GALNT9: variants seen among roughly 807,000 people sequenced by gnomAD.
GALNT9 encodes the protein polypeptide N-acetylgalactosaminyltransferase 9, also known as GalNAc transferase 9.
In GALNT9, 47 loss-of-function variants were observed where a neutral mutation model predicts 63.1. The ratio of observed to expected loss-of-function variants is 0.75; its 90% CI spans 0.59 to 0.95. The LOEUF (loss-of-function observed/expected upper bound fraction) is 0.95, where lower values mean the gene tolerates loss of function less well. GALNT9 is among the 40% of genes least tolerant of loss of function. GALNT9 has a pLI of 0.00. For synonymous variants in GALNT9, 396 were observed against 365.7 expected, an observed-to-expected ratio of 1.08 and a Z score of -0.94; for missense variants, 829 against 874.8, an observed-to-expected ratio of 0.95 and a Z score of 0.66.
Position 132,329,330 on chromosome 12 carries a change from G to T in GALNT9, c.-127C>A. On this transcript the variant is annotated 5_prime_UTR_variant, in exon 1 of 11. Transcript: ENST00000328957. ...CTGCGGGGGCTGCGGGGCTCGGCCG[G>T]AGCTGTCCCTTCAGCACCAGCTCAG... 3 of 1,372,014 alleles carry T rather than the reference G, an allele frequency of 2.2e-6. No individual in the cohort carries two copies. The highest frequency in any genetic ancestry group is 2.9e-6 in the Non-Finnish European group (3 of 1,045,854). The allele number at this position is 1,372,014 out of a possible 1,614,324, so 85.0% of individuals were successfully genotyped here.
At position 132,246,142 on chromosome 12, in the gene GALNT9, G is replaced by A. The variant is rs561155256; in HGVS notation, c.1077+1768C>T. Among the ~76,000 whole-genome samples, 1 of 152,378 alleles carries A rather than the reference G, an allele frequency of 6.6e-6. No homozygotes were observed. The highest frequency in any genetic ancestry group is 2.1e-4 in the South Asian group (1 of 4,832). ...CCCGCGTGGGTGCGTTCAATCCACG[G>A]CCGACCCGCCAAGGTCTGGTGTTTA... On this transcript the variant is annotated intron_variant, in intron 6 of 10. Coordinates refer to ENST00000328957, the MANE Select transcript of GALNT9 (RefSeq NM_001122636.2). This position sits in a 1 kb window ranked among gnomAD's most constrained non-coding sequence, Gnocchi z 4.7.
chr12:132,269,286 G>A (rs1314021541), intron 2 of GALNT9, among the ~76,000 whole-genome samples: 3 of 152,094 alleles, frequency 2.0e-5, no homozygotes, highest in Non-Finnish European at 2.9e-5. Flanking sequence ...GGGAGGACTC[G>A]TCGAGTGTGA....
chr12:132,215,193 C>T (rs1267899916), intron 6 of GALNT9, among the ~76,000 whole-genome samples: 2 of 152,102 alleles, frequency 1.3e-5, no homozygotes, highest in African/African-American at 2.4e-5. Flanking sequence ...CAGGTTTCAT[C>T]GGGGCCCTGC....
chr12:132,210,333 G>A lies in GALNT9; in HGVS notation c.1078-6643C>T, dbSNP rs534083580. 3.9e-5 allele frequency among the ~76,000 whole-genome samples: 6 copies of A among 152,372 alleles called. No homozygotes were observed. The East Asian group carries it at 1.2e-3, about 29-fold the overall frequency. ...GGGCCTGCGGGCGAGGCCGTCCCGTGAAGTCGGACCTGTTCTTCTGGTCAA... is the reference window on the plus strand; with the variant it reads ...GGGCCTGCGGGCGAGGCCGTCCCGTAAAGTCGGACCTGTTCTTCTGGTCAA... On this transcript the variant is annotated intron_variant, in intron 6 of 10. Coordinates refer to ENST00000328957, the MANE Select transcript of GALNT9 (RefSeq NM_001122636.2).
In GALNT9 at chr12:132,265,203, G is replaced by A. The variant is rs367931900; in HGVS notation, c.420-2578C>T. Among the ~76,000 whole-genome samples, 3 of 152,160 alleles carry A rather than the reference G, an allele frequency of 2.0e-5. No individual in the cohort carries two copies. Among genetic ancestry groups the A allele is most frequent in the Admixed American group, 6.5e-5 (1 of 15,282 alleles). On this transcript the variant is annotated intron_variant, in intron 2 of 10. Transcript: ENST00000328957. The surrounding 1 kb of genome is among the most constrained non-coding windows in gnomAD (Gnocchi z 5.3). ...TGCCCATCAATGAGGAAGGCAAGTC[G>A]CTCACCCCGAAGTTCAGCCCCCAGC...
chr12:132,240,871 C>G (rs1555236969), intron 6 of GALNT9: 2 of 379,928 alleles, frequency 5.3e-6, no homozygotes. Context: ...CCAGGGCCGT[C>G]CCTATACCCA....
chr12:132,219,463 G>A (rs1339509399), intron 6 of GALNT9, among the ~76,000 whole-genome samples: 1 of 152,212 alleles, frequency 6.6e-6, no homozygotes, highest in Non-Finnish European at 1.5e-5. Context: ...GACCATCGGC[G>A]GGACAGGTGC....
At chr12:132,304,479 G>A (rs72488124) in intron 1 of GALNT9, among the ~76,000 whole-genome samples, 101 of 5,106 alleles carry the variant, frequency 0.02, no homozygotes, top group South Asian at 0.1. Context: ...CCGGGCACAC[G>A]CTCACCCAGA....
At chr12:132,227,143 C>T (rs971230018) in intron 6 of GALNT9, among the ~76,000 whole-genome samples, 1 of 152,076 alleles carries the variant, frequency 6.6e-6, no homozygotes, top group African/African-American at 2.4e-5. Context: ...TCAGTAATTT[C>T]GCTTCTAGAA....
chr12:132,254,299 T>C (rs28620937), intron 5 of GALNT9, among the ~76,000 whole-genome samples: 129,366 of 152,324 alleles, frequency 0.85, 55,601 homozygotes, highest in Non-Finnish European at 0.92. Context: ...CGTAAGCCAC[T>C]GCACCCGGCC....
At chr12:132,274,777 A>C (rs1183103974) in intron 2 of GALNT9, 2 of 152,452 alleles carry the variant, frequency 1.3e-5, no homozygotes, top group Non-Finnish European at 2.9e-5. Context: ...ACATGCACAC[A>C]TAAGCAGACA....
chr12:132,267,008 C>T (rs766986716), intron 2 of GALNT9, among the ~76,000 whole-genome samples: 13 of 152,160 alleles, frequency 8.5e-5, no homozygotes, highest in Non-Finnish European at 1.3e-4. Flanking sequence ...ACTCAGCGAG[C>T]GAAAGGGGCA....
rs1197435776 is a variant in GALNT9, at chr12:132,261,044, C to T, written c.665G>A (p.Arg222Gln). Residue 222 changes from arginine (R) to glutamine (Q), a missense_variant, in exon 4 of 11, where the codon CGG becomes CAG. Coordinates refer to ENST00000328957, the MANE Select transcript of GALNT9 (RefSeq NM_001122636.2). ...GLVKIVRNSR[R>Q]EGLIRARLQG... The stretch of plus-strand genomic sequence containing the variant: ...CAGCCGCGCGCGGATCAGTCCTTCC[C>T]GCCGGCTGTTGCGGACAATCTTCAC... The T allele has an allele frequency of 2.6e-6, 4 of 1,551,438 alleles. No individual in the cohort carries two copies. The highest frequency in any genetic ancestry group is 2.0e-5 in the Admixed American group (1 of 50,966).
chr12:132,267,102 G>A (rs1045792456), intron 2 of GALNT9, among the ~76,000 whole-genome samples: 1 of 152,228 alleles, frequency 6.6e-6, no homozygotes, highest in African/African-American at 2.4e-5. Flanking sequence ...GGCGCAGAGA[G>A]GGATGGAAGT....
intron 6 of GALNT9, among the ~76,000 whole-genome samples, chr12:132,224,801 C>T (rs1877584529): frequency 6.8e-6 from 1 of 147,118 alleles, no homozygotes; most frequent in African/African-American, 2.5e-5. Context: ...CATACACACA[C>T]CCCACACACA....
At chr12:132,299,941 C>T (rs138507046) in intron 1 of GALNT9, among the ~76,000 whole-genome samples, 1 of 145,546 alleles carries the variant, frequency 6.9e-6, no homozygotes, top group Non-Finnish European at 1.5e-5. Context: ...GCTGAGATAA[C>T]CCACTCCCAT....
chr12:132,225,944 A>C, intron 6 of GALNT9, among the ~76,000 whole-genome samples: 1 of 120,854 alleles, frequency 8.3e-6, no homozygotes, highest in African/African-American at 3.3e-5. Flanking sequence ...CACACACCCC[A>C]TACACCCCAT....
intron 5 of GALNT9, among the ~76,000 whole-genome samples, chr12:132,255,567 T>G (rs1422040033): frequency 6.6e-6 from 1 of 152,242 alleles, no homozygotes; most frequent in East Asian, 1.9e-4. Flanking sequence ...CCACAACCCT[T>G]TATCTTAACC....
intron 6 of GALNT9, among the ~76,000 whole-genome samples, chr12:132,243,854 A>T (rs1878580961): frequency 6.6e-6 from 1 of 152,100 alleles, no homozygotes; most frequent in African/African-American, 2.4e-5. Context: ...TCACCGGCCA[A>T]TCACCCGTCA....
Sources: allele counts gnomAD v4.1 joint callset (sites outside exome capture counted in the v4.1 genomes callset), GRCh38; gene constraint gnomAD v4.1.1; non-coding constraint Gnocchi (gnomAD v3.1); transcripts MANE v1.5; gene names NCBI Gene and HGNC (gene_info 2026-07-23, HGNC 2026-07-21).